Variants in KCNH1 observed in about 807,000 individuals in gnomAD.
KCNH1 encodes the protein potassium voltage-gated channel subfamily H member 1.
A neutral mutation model predicts 69.2 loss-of-function variants in KCNH1; 27 were observed. The ratio of observed to expected loss-of-function variants is 0.39; its 90% CI spans 0.29 to 0.54. The LOEUF (loss-of-function observed/expected upper bound fraction) is 0.54. Ranked by LOEUF, KCNH1 falls within the 20% of genes least tolerant of loss-of-function variation. KCNH1 has a pLI of 0.68. For synonymous variants in KCNH1, 456 were observed against 487.7 expected (o/e 0.93, Z 0.86); for missense variants, 798 against 1,261.6 (o/e 0.63, Z 5.57).
intron 10 of KCNH1, among the ~76,000 whole-genome samples, chr1:210,691,158 G>T (rs77462898): frequency 6.6e-5 from 10 of 152,072 alleles, no homozygotes; most frequent in South Asian, 2.1e-4. Flanking sequence ...ACTCTTTGTG[G>T]GGGCTTGAGA....
intron 10 of KCNH1, among the ~76,000 whole-genome samples, chr1:210,717,319 C>G (rs1224575092): frequency 6.6e-6 from 1 of 152,206 alleles, no homozygotes; most frequent in Non-Finnish European, 1.5e-5. Context: ...GCGGCATCAG[C>G]CAAACCTGGA....
chr1:210,849,856 T>C (rs923338844), intron 7 of KCNH1, among the ~76,000 whole-genome samples: 1 of 152,142 alleles, frequency 6.6e-6, no homozygotes, highest in African/African-American at 2.4e-5. Context: ...GTCTGTGATT[T>C]AAGTGTAAGT....
At chr1:211,074,105 A>AAAAAC (rs887032229) in intron 5 of KCNH1, among the ~76,000 whole-genome samples, 1 of 150,776 alleles carries the variant, frequency 6.6e-6, no homozygotes, top group African/African-American at 2.4e-5. Flanking sequence ...ATTAAAAAAA[A>AAAAAC]AAAAAAAAAA....
At chr1:210,698,210 A>G (rs962255346) in intron 10 of KCNH1, among the ~76,000 whole-genome samples, 13 of 152,194 alleles carry the variant, frequency 8.5e-5, no homozygotes, top group Non-Finnish European at 1.9e-4. Flanking sequence ...ACAGACTTGA[A>G]GCAGATATGC....
At chr1:210,844,255 G>A (rs151299599) in intron 7 of KCNH1, among the ~76,000 whole-genome samples, 1 of 152,272 alleles carries the variant, frequency 6.6e-6, no homozygotes, top group East Asian at 1.9e-4. Context: ...AGGTGCATTG[G>A]CTCATGCCTG....
At chr1:210,998,501 G>C (rs1689099416) in intron 6 of KCNH1, among the ~76,000 whole-genome samples, 1 of 151,846 alleles carries the variant, frequency 6.6e-6, no homozygotes, top group South Asian at 2.1e-4. Flanking sequence ...GGAGCACCCA[G>C]ATTCATAAAG....
At chr1:210,715,993 A>G (rs1682224592) in intron 10 of KCNH1, among the ~76,000 whole-genome samples, 1 of 152,184 alleles carries the variant, frequency 6.6e-6, no homozygotes. Context: ...GGGACAATGG[A>G]AACAGTCCCT....
At chr1:210,756,894 T>C (rs977391824) in intron 10 of KCNH1, among the ~76,000 whole-genome samples, 2 of 152,062 alleles carry the variant, frequency 1.3e-5, no homozygotes, top group South Asian at 2.1e-4. Flanking sequence ...AGAAACAAAT[T>C]TGGGGGAGAG....
intron 10 of KCNH1, among the ~76,000 whole-genome samples, chr1:210,706,752 A>T (rs1210275728): frequency 1.3e-5 from 2 of 152,276 alleles, no homozygotes; most frequent in Non-Finnish European, 2.9e-5. Flanking sequence ...CGTGCTAAGA[A>T]TAGTGGCTAA....
At chr1:210,849,044 T>C (rs1341152834) in intron 7 of KCNH1, among the ~76,000 whole-genome samples, 1 of 152,214 alleles carries the variant, frequency 6.6e-6, no homozygotes, top group Non-Finnish European at 1.5e-5. Flanking sequence ...AATGCAAGAT[T>C]ACTTCTAGAT....
intron 7 of KCNH1, among the ~76,000 whole-genome samples, chr1:210,817,649 T>C (rs546640809): frequency 6.6e-6 from 1 of 152,300 alleles, no homozygotes; most frequent in East Asian, 1.9e-4. Context: ...GTCCTAATGC[T>C]TACGTATACT....
At chr1:211,009,610 T>C (rs1011966597) in intron 6 of KCNH1, among the ~76,000 whole-genome samples, 1 of 151,136 alleles carries the variant, frequency 6.6e-6, no homozygotes, top group Non-Finnish European at 1.5e-5. Context: ...CTTTTCTTTT[T>C]TTTTTTCTTT....
At chr1:210,995,522 A>C (rs1214157614) in intron 6 of KCNH1, among the ~76,000 whole-genome samples, 1 of 152,126 alleles carries the variant, frequency 6.6e-6, no homozygotes, top group Admixed American at 6.6e-5. Context: ...CAGACCCAAA[A>C]CACCTTACCC....
rs537599708 is a variant in KCNH1 at position 210,744,421 on chromosome 1, G to A, written c.2112+30927C>T. Reference sequence around the variant, plus strand: ...AGCACTTTGGGAGACCTAGGCAGGCGGATCACGAGGTCAGGAGTTCAAGAC... The same window carrying A: ...AGCACTTTGGGAGACCTAGGCAGGCAGATCACGAGGTCAGGAGTTCAAGAC... On this transcript the variant is annotated intron_variant, in intron 10 of 10. Transcript: ENST00000271751. Among the ~76,000 whole-genome samples the A allele has an allele frequency of 6.6e-5, 10 of 152,280 alleles. No individual in the cohort carries two copies. The South Asian group carries it at 1.2e-3, about 19-fold the overall frequency.
intron 10 of KCNH1, among the ~76,000 whole-genome samples, chr1:210,752,821 G>A (rs952613207): frequency 6.6e-6 from 1 of 152,112 alleles, no homozygotes; most frequent in African/African-American, 2.4e-5. Context: ...TTGGAAATAA[G>A]ATCTTTGAAA....
chr1:211,043,352 T>C (rs1371448861), intron 5 of KCNH1, among the ~76,000 whole-genome samples: 1 of 151,946 alleles, frequency 6.6e-6, no homozygotes, highest in Non-Finnish European at 1.5e-5. Context: ...CTAGAAAACA[T>C]AGAGGAGATG....
At chr1:211,111,304 T>C in intron 1 of KCNH1, among the ~76,000 whole-genome samples, 1 of 150,748 alleles carries the variant, frequency 6.6e-6, no homozygotes, top group East Asian at 2.0e-4. Flanking sequence ...TGCCCAGCGG[T>C]CCCACCGTCT....
chr1:210,800,998 T>C (rs1306154133), intron 8 of KCNH1, among the ~76,000 whole-genome samples: 1 of 152,206 alleles, frequency 6.6e-6, no homozygotes, highest in Non-Finnish European at 1.5e-5. Flanking sequence ...GAGGATTCCA[T>C]GAGCTGTTGT....
chr1:211,046,131 ATT>A (rs1433927780), intron 5 of KCNH1, among the ~76,000 whole-genome samples: 2 of 152,320 alleles, frequency 1.3e-5, no homozygotes, highest in East Asian at 3.9e-4. Context: ...ATCAATAGAT[ATT>A]TAGGTTTCTT....
Sources: allele counts gnomAD v4.1 joint callset (sites outside exome capture counted in the v4.1 genomes callset), GRCh38; gene constraint gnomAD v4.1.1; transcripts MANE v1.5; gene names NCBI Gene and HGNC (gene_info 2026-07-23, HGNC 2026-07-21).